The following DHRSX variants were observed in gnomAD, a reference collection of about 807,000 sequenced individuals.
DHRSX encodes polyprenol dehydrogenase.
Under a neutral mutation model 34.0 loss-of-function variants are expected in DHRSX, and 31 were observed. The ratio of observed to expected loss-of-function variants is 0.91; its 90% CI spans 0.69 to 1.23. The LOEUF (loss-of-function observed/expected upper bound fraction) is 1.23. Ranked by LOEUF, DHRSX falls within the 50% of genes most tolerant of loss-of-function variation. The pLI is 0.00. For synonymous variants in DHRSX, 201 were observed against 183.8 expected (o/e 1.09, Z -0.76); for missense variants, 414 against 428.1 (o/e 0.97, Z 0.29).
chrX:2,482,375 T>C (rs2044787749), intron 1 of DHRSX, among the ~76,000 whole-genome samples: 1 of 151,956 alleles, frequency 6.6e-6, no homozygotes, highest in South Asian at 2.1e-4. Context: ...GTGATCCTAC[T>C]GACTTAGCCT....
chrX:2,264,377 C>A (rs1469188496), intron 5 of DHRSX, among the ~76,000 whole-genome samples: 1 of 150,922 alleles, frequency 6.6e-6, no homozygotes, highest in African/African-American at 2.4e-5. Flanking sequence ...AGCACCTCTA[C>A]CCAGCAGATG....
At chrX:2,238,996 T>G (rs2016080445) in intron 6 of DHRSX, among the ~76,000 whole-genome samples, 1 of 152,224 alleles carries the variant, frequency 6.6e-6, no homozygotes, top group Non-Finnish European at 1.5e-5. Flanking sequence ...ATCAAGCTAC[T>G]GCAGCTGTAT....
At chrX:2,415,821 C>T (rs1410901672) in intron 2 of DHRSX, among the ~76,000 whole-genome samples, 1 of 151,854 alleles carries the variant, frequency 6.6e-6, no homozygotes, top group Admixed American at 6.6e-5. Flanking sequence ...CTCATCATGA[C>T]CAACCCAACT....
intron 3 of DHRSX, among the ~76,000 whole-genome samples, chrX:2,329,887 C>A (rs1234985930): frequency 6.6e-6 from 1 of 151,970 alleles, no homozygotes; most frequent in Non-Finnish European, 1.5e-5. Flanking sequence ...CAGCTCATGC[C>A]TGCACTTTCA....
chrX:2,367,342 G>A (rs781042411), intron 3 of DHRSX, among the ~76,000 whole-genome samples: 2 of 151,720 alleles, frequency 1.3e-5, no homozygotes, highest in Non-Finnish European at 2.9e-5. Context: ...GGAGGCTGAG[G>A]CAAGAGAATC....
chrX:2,461,926 G>T (rs2044407544), intron 1 of DHRSX, among the ~76,000 whole-genome samples: 1 of 151,998 alleles, frequency 6.6e-6, no homozygotes, highest in South Asian at 2.1e-4. Context: ...GGGCTCAAGC[G>T]ATCCACCGGC....
At chrX:2,439,409 T>C (rs1000743621) in intron 1 of DHRSX, among the ~76,000 whole-genome samples, 2 of 152,144 alleles carry the variant, frequency 1.3e-5, no homozygotes, top group African/African-American at 2.4e-5. Context: ...CTTCAATCCA[T>C]ACTCTGACAA....
intron 1 of DHRSX, among the ~76,000 whole-genome samples, chrX:2,443,517 G>A (rs1246185205): frequency 6.6e-6 from 1 of 152,120 alleles, no homozygotes; most frequent in Non-Finnish European, 1.5e-5. Context: ...ACCCCGAAAC[G>A]AGACCCTGTT....
At position 2,408,755 on chromosome X, in the gene DHRSX, C is replaced by T; in HGVS notation, c.276G>A (p.Leu92=). Residue 92 remains leucine, a synonymous_variant, in exon 3 of 7, where the codon TTG becomes TTA. Transcript: ENST00000334651. ...AGTATCTCTCGGTACCTTTGTCGTT[C>T]AAGGTTTCTTCTTTTATTTTGCTTA... ...QVVSKIKEET[L]NDKVEFLYCD... The T allele has an allele frequency of 6.2e-7, 1 of 1,610,736 alleles. No homozygotes were observed. Among genetic ancestry groups the T allele is most frequent in the South Asian group, 1.1e-5 (1 of 90,522 alleles).
intron 1 of DHRSX, among the ~76,000 whole-genome samples, chrX:2,455,410 C>T (rs1349023343): frequency 6.6e-6 from 1 of 151,298 alleles, no homozygotes; most frequent in East Asian, 1.9e-4. Flanking sequence ...GCAATTTACC[C>T]GTGTAACGAA....
intron 4 of DHRSX, among the ~76,000 whole-genome samples, chrX:2,282,830 G>C (rs1396318884): frequency 3.4e-5 from 4 of 116,192 alleles, no homozygotes; most frequent in Admixed American, 2.6e-4. Flanking sequence ...GAGGGAGAGA[G>C]AGGGAGAAAG....
rs1356638255 is a variant in DHRSX at position 2,232,245 on chromosome X, A to G, written c.804+10778T>C. ...CTTCACACTACACCCTTCTGTTTCT[A>G]AAAGTCTTCCTCTGAATCGAAATCA... On this transcript the variant is annotated intron_variant, in intron 6 of 6. Transcript: ENST00000334651. 9.9e-5 allele frequency among the ~76,000 whole-genome samples: 15 copies of G among 152,056 alleles called. 1 individual carries two copies. Among genetic ancestry groups the G allele is most frequent in the Admixed American group, 7.2e-4 (11 of 15,236 alleles).
At chrX:2,382,687 TCATCACCATCATCAC>T in intron 3 of DHRSX, among the ~76,000 whole-genome samples, 2 of 113,792 alleles carry the variant, frequency 1.8e-5, no homozygotes, top group Non-Finnish European at 3.7e-5. Context: ...ACCATCACCA[TCATCACCATCATCAC>T]CATCACCATC....
chrX:2,298,714 G>A (rs1430206862), intron 3 of DHRSX, among the ~76,000 whole-genome samples: 1 of 149,996 alleles, frequency 6.7e-6, no homozygotes, highest in African/African-American at 2.5e-5. Context: ...GGCCGGGCGC[G>A]GCAGCTCACG....
chrX:2,346,687 G>GA (rs985684136), intron 3 of DHRSX, among the ~76,000 whole-genome samples: 20 of 151,470 alleles, frequency 1.3e-4, no homozygotes, highest in African/African-American at 4.9e-4. Context: ...AAGTCCTGGG[G>GA]TACATGTGCA....
At chrX:2,445,013 T>C (rs1473871773) in intron 1 of DHRSX, among the ~76,000 whole-genome samples, 1 of 151,838 alleles carries the variant, frequency 6.6e-6, no homozygotes, top group Non-Finnish European at 1.5e-5. Flanking sequence ...AAAAATTAGC[T>C]GGGCCTGGTG....
chrX:2,335,512 G>A (rs368835492), intron 3 of DHRSX, among the ~76,000 whole-genome samples: 1 of 151,786 alleles, frequency 6.6e-6, no homozygotes, highest in Non-Finnish European at 1.5e-5. Context: ...GTGCAGTGGC[G>A]CGACCTCGGC....
At chrX:2,238,627 A>G (rs1402338207) in intron 6 of DHRSX, among the ~76,000 whole-genome samples, 1 of 147,064 alleles carries the variant, frequency 6.8e-6, no homozygotes, top group Non-Finnish European at 1.5e-5. Flanking sequence ...CTTTTCACCC[A>G]GGCTGGAGTG....
intron 3 of DHRSX, among the ~76,000 whole-genome samples, chrX:2,352,033 G>A (rs760362139): frequency 2.6e-4 from 39 of 152,114 alleles, no homozygotes; most frequent in Admixed American, 1.4e-3. Flanking sequence ...AACATTTGTT[G>A]TTTCAATAAA....
Sources: gnomAD v4.1 joint callset for allele counts (sites outside exome capture counted in the v4.1 genomes callset) on GRCh38, gnomAD v4.1.1 for gene constraint, MANE v1.5 for transcripts, NCBI Gene and HGNC (gene_info 2026-07-23, HGNC 2026-07-21) for gene names.